The following TIAM1 variants were observed in gnomAD, a reference collection of about 807,000 sequenced individuals.
TIAM1 encodes TIAM Rac1 associated GEF 1, also known as rho guanine nucleotide exchange factor TIAM1.
TIAM1 carries 65 observed loss-of-function variants against 163.5 expected under a neutral mutation model. The ratio of observed to expected loss-of-function variants is 0.40; its 90% CI spans 0.33 to 0.49. TIAM1 has a LOEUF of 0.49. Ranked by LOEUF, TIAM1 falls within the 20% of genes least tolerant of loss-of-function variation. The probability of loss-of-function intolerance (pLI) is 0.77; values close to 1 mark genes in which losing one functional copy is unlikely to be tolerated. For synonymous variants in TIAM1, 833 were observed against 810.1 expected (o/e 1.03, Z -0.48); for missense variants, 1,789 against 2,044.7 (o/e 0.87, Z 2.41).
Position 31,361,878 on chromosome 21 carries a change from T to C in TIAM1, c.-368-22456A>G, listed in dbSNP as rs900232262. Among the ~76,000 whole-genome samples the C allele has an allele frequency of 4.0e-4, 60 of 149,402 alleles. No homozygotes were observed. In the East Asian group the frequency reaches 4.4e-3, roughly 11 times the overall value. On this transcript the variant is annotated intron_variant, in intron 2 of 28. Transcript: ENST00000286827. Reference sequence around the variant, plus strand: ...ATAGATAGATAGATAGATAGATAGATAGACAGACATGTGTATACATTTGGT... The same window carrying C: ...ATAGATAGATAGATAGATAGATAGACAGACAGACATGTGTATACATTTGGT...
chr21:31,469,916 C>T (rs1220192116), intron 1 of TIAM1, among the ~76,000 whole-genome samples: 1 of 151,944 alleles, frequency 6.6e-6, no homozygotes, highest in Non-Finnish European at 1.5e-5. Flanking sequence ...GATTTTTAAG[C>T]TAGATTTCCA....
chr21:31,228,075 G>A (rs962364832), intron 6 of TIAM1, among the ~76,000 whole-genome samples: 1 of 133,670 alleles, frequency 7.5e-6, no homozygotes, highest in Non-Finnish European at 1.5e-5. Flanking sequence ...GCTAATTTTT[G>A]TATTTTTTTT....
At chr21:31,197,665 A>G (rs1335074671) in intron 12 of TIAM1, among the ~76,000 whole-genome samples, 1 of 151,194 alleles carries the variant, frequency 6.6e-6, no homozygotes, top group Non-Finnish European at 1.5e-5. Context: ...CACCGCGCCC[A>G]GCCGGATATT....
chr21:31,535,830 C>T (rs951022731), intron 1 of TIAM1, among the ~76,000 whole-genome samples: 4 of 152,176 alleles, frequency 2.6e-5, no homozygotes, highest in African/African-American at 9.7e-5. Context: ...CATCACTCAA[C>T]TCATCACTTG....
chr21:31,320,680 G>A (rs909706551), intron 2 of TIAM1, among the ~76,000 whole-genome samples: 1 of 152,070 alleles, frequency 6.6e-6, no homozygotes, highest in Admixed American at 6.5e-5. Flanking sequence ...TCAGAGCCTC[G>A]CTAAATGTGG....
intron 2 of TIAM1, among the ~76,000 whole-genome samples, chr21:31,327,504 G>T (rs1399823723): frequency 6.6e-6 from 1 of 151,848 alleles, no homozygotes; most frequent in Non-Finnish European, 1.5e-5. Flanking sequence ...GCCTGGTGTG[G>T]TGATGCACAC....
chr21:31,141,746 T>C lies in TIAM1; in HGVS notation c.3476-242A>G, dbSNP rs557174425. Among the ~76,000 whole-genome samples the C allele has an allele frequency of 1.3e-5, 2 of 152,022 alleles. No individual in the cohort carries two copies. The highest frequency in any genetic ancestry group is 2.4e-5 in the African/African-American group (1 of 41,450). On this transcript the variant is annotated intron_variant, in intron 20 of 27. Coordinates refer to ENST00000541036, the MANE Select transcript of TIAM1 (RefSeq NM_001353694.2). The surrounding 1 kb of genome is among the most constrained non-coding windows in gnomAD (Gnocchi z 4.7). The stretch of plus-strand genomic sequence containing the variant: ...CCTGATGAGTTAAAGGATGACGGAG[T>C]GTAGACTGCAGACACCCGGATTTCC...
At chr21:31,164,338 C>A (rs1275794819) in intron 16 of TIAM1, among the ~76,000 whole-genome samples, 1 of 149,642 alleles carries the variant, frequency 6.7e-6, no homozygotes, top group African/African-American at 2.5e-5. Flanking sequence ...TGCAGTGAGC[C>A]GAGATCACGC....
At chr21:31,547,683 T>C (rs2048541240) in intron 1 of TIAM1, among the ~76,000 whole-genome samples, 1 of 152,224 alleles carries the variant, frequency 6.6e-6, no homozygotes, top group Non-Finnish European at 1.5e-5. Context: ...CAAGATGAGA[T>C]AATTATTTGA....
At chr21:31,212,084 C>T (rs1182926285) in intron 10 of TIAM1, among the ~76,000 whole-genome samples, 4 of 152,178 alleles carry the variant, frequency 2.6e-5, no homozygotes, top group Admixed American at 1.3e-4. Context: ...CTTCAAATTT[C>T]ATCAGACAGA....
intron 12 of TIAM1, among the ~76,000 whole-genome samples, chr21:31,202,263 A>C (rs1446462391): frequency 6.6e-6 from 1 of 152,144 alleles, no homozygotes; most frequent in Non-Finnish European, 1.5e-5. Context: ...AATTAAAATA[A>C]AAGACTGGCC....
chr21:31,146,824 G>T, intron 20 of TIAM1, 71 bp downstream of exon 20: 1 of 1,261,684 alleles, frequency 7.9e-7, no homozygotes, highest in Non-Finnish European at 1.1e-6. Flanking sequence ...CTGCCCAAAA[G>T]CCCCCAACCA....
chr21:31,243,498 G>C (rs1276405274), intron 6 of TIAM1, among the ~76,000 whole-genome samples: 1 of 151,832 alleles, frequency 6.6e-6, no homozygotes, highest in Non-Finnish European at 1.5e-5. Context: ...AGAAATAATA[G>C]CTAAAAACTT....
chr21:31,417,929 A>G (rs192684815), intron 2 of TIAM1, among the ~76,000 whole-genome samples: 4,073 of 152,240 alleles, frequency 0.027, 163 homozygotes, highest in African/African-American at 0.091. Context: ...GAGTGGAGAG[A>G]GAGAGAAATT....
chr21:31,503,857 TA>T (rs967335301), intron 1 of TIAM1, among the ~76,000 whole-genome samples: 44 of 144,546 alleles, frequency 3.0e-4, no homozygotes, highest in African/African-American at 2.3e-4. Context: ...AATTTATGTT[TA>T]AAAAAAAAAA....
intron 12 of TIAM1, among the ~76,000 whole-genome samples, chr21:31,196,819 T>G (rs1264383784): frequency 6.6e-6 from 1 of 152,104 alleles, no homozygotes; most frequent in Admixed American, 6.5e-5. Flanking sequence ...CTATTCACAA[T>G]AGCAAAGATG....
intron 2 of TIAM1, among the ~76,000 whole-genome samples, chr21:31,389,105 T>A (rs929482865): frequency 2.0e-5 from 3 of 152,388 alleles, no homozygotes; most frequent in African/African-American, 4.8e-5. Flanking sequence ...TACATTCCAA[T>A]AAAATTTTAT....
chr21:31,556,734 G>T lies in TIAM1; in HGVS notation c.-422+2193C>A, dbSNP rs147095405. 2.7e-4 allele frequency among the ~76,000 whole-genome samples: 41 copies of T among 152,262 alleles called. 1 individual carries two copies. The East Asian group carries it at 6.9e-3, about 26-fold the overall frequency. ...CATTTTGAAGATATTCAATGAAATTGATTCTCTTCTACCTTCCCTGCTTAG... is the reference window on the plus strand; with the variant it reads ...CATTTTGAAGATATTCAATGAAATTTATTCTCTTCTACCTTCCCTGCTTAG... On this transcript the variant is annotated intron_variant, in intron 1 of 28. Coordinates refer to the TIAM1 transcript ENST00000286827.
intron 2 of TIAM1, among the ~76,000 whole-genome samples, chr21:31,377,578 A>C (rs560385866): frequency 6.6e-6 from 1 of 152,272 alleles, no homozygotes; most frequent in South Asian, 2.1e-4. Flanking sequence ...ACTGATGCCA[A>C]GCCAAACCCT....
Sources: gnomAD v4.1 joint callset for allele counts (sites outside exome capture counted in the v4.1 genomes callset) on GRCh38, gnomAD v4.1.1 for gene constraint, Gnocchi (gnomAD v3.1) non-coding constraint, MANE v1.5 for transcripts, NCBI Gene and HGNC (gene_info 2026-07-23, HGNC 2026-07-21) for gene names.